Variants in FGGY observed in about 807,000 individuals in gnomAD.
The protein encoded by FGGY is FGGY carbohydrate kinase domain-containing protein.
A neutral mutation model predicts 71.3 loss-of-function variants in FGGY; 72 were observed. The ratio of observed to expected loss-of-function variants is 1.01; its 90% CI spans 0.84 to 1.23. The LOEUF is 1.23. Ranked by LOEUF, FGGY falls within the 50% of genes most tolerant of loss-of-function variation. The pLI is 0.00. For missense variants in FGGY, 668 were observed against 682.3 expected (o/e 0.98, Z 0.23); for synonymous variants, 251 against 250.3 (o/e 1.00, Z -0.02).
intron 6 of FGGY, among the ~76,000 whole-genome samples, chr1:59,511,640 C>T (rs2094521354): frequency 1.3e-5 from 2 of 150,360 alleles, no homozygotes; most frequent in African/African-American, 4.9e-5. Context: ...GGCCTGACTG[C>T]AAGAATTCAA....
intron 9 of FGGY, among the ~76,000 whole-genome samples, chr1:59,616,551 C>A (rs1323629944): frequency 6.6e-6 from 1 of 151,996 alleles, no homozygotes; most frequent in Non-Finnish European, 1.5e-5. Flanking sequence ...TTAATGGGTG[C>A]CGCACACCAA....
At chr1:59,570,677 A>T (rs2095970025) in intron 8 of FGGY, among the ~76,000 whole-genome samples, 1 of 152,186 alleles carries the variant, frequency 6.6e-6, no homozygotes, top group Admixed American at 6.5e-5. Flanking sequence ...ACGCAACAGG[A>T]AACCACAAAG....
chr1:59,339,887 T>C (rs774786200), intron 2 of FGGY, 71 bp from the exon 3 acceptor site: 2 of 847,614 alleles, frequency 2.4e-6, no homozygotes, highest in African/African-American at 3.4e-5. Flanking sequence ...TCCTTCCTTC[T>C]AGTTGTAACT....
chr1:59,510,014 G>A (rs2094480150), intron 6 of FGGY, among the ~76,000 whole-genome samples: 1 of 150,376 alleles, frequency 6.6e-6, no homozygotes, highest in African/African-American at 2.5e-5. Flanking sequence ...ATTTCTAAAC[G>A]GTGCTCCTTT....
At chr1:59,560,597 T>A (rs142671116) in intron 8 of FGGY, among the ~76,000 whole-genome samples, 193 of 152,338 alleles carry the variant, frequency 1.3e-3, no homozygotes, top group African/African-American at 4.4e-3. Flanking sequence ...AATTTATTTT[T>A]AAAATATTCA....
chr1:59,511,258 C>T (rs1355019754), intron 6 of FGGY, among the ~76,000 whole-genome samples: 3 of 152,140 alleles, frequency 2.0e-5, no homozygotes, highest in Admixed American at 2.0e-4. Context: ...CTCACCTCTA[C>T]CCCCAGAGGT....
At chr1:59,651,904 C>A (rs1249471928) in intron 11 of FGGY, among the ~76,000 whole-genome samples, 17 of 151,984 alleles carry the variant, frequency 1.1e-4, no homozygotes, top group Non-Finnish European at 2.1e-4. Flanking sequence ...TTGTTCCTTT[C>A]CATCTTTAGT....
At chr1:59,539,022 A>C (rs562696612) in intron 7 of FGGY, among the ~76,000 whole-genome samples, 36 of 152,296 alleles carry the variant, frequency 2.4e-4, no homozygotes, top group Admixed American at 3.3e-4. Context: ...AAAATGTTTA[A>C]ATAGCATGAT....
intron 11 of FGGY, 29 bp downstream of exon 11, chr1:59,638,404 G>T: frequency 1.9e-6 from 3 of 1,612,284 alleles, no homozygotes; most frequent in Non-Finnish European, 2.5e-6. Flanking sequence ...TTGCACATGG[G>T]TGAAGGCAGG....
chr1:59,668,639 C>A (rs562886347), intron 13 of FGGY, among the ~76,000 whole-genome samples: 34 of 152,228 alleles, frequency 2.2e-4, no homozygotes, highest in Non-Finnish European at 4.6e-4. Context: ...GTCACTTATT[C>A]CCAGCTTAGA....
intron 14 of FGGY, among the ~76,000 whole-genome samples, chr1:59,707,204 A>G (rs1040508149): frequency 6.6e-6 from 1 of 152,214 alleles, no homozygotes; most frequent in African/African-American, 2.4e-5. Flanking sequence ...TTTGTTGGAT[A>G]GGTACTATTA....
intron 5 of FGGY, among the ~76,000 whole-genome samples, chr1:59,379,750 A>G (rs1161543875): frequency 1.3e-5 from 2 of 152,092 alleles, no homozygotes; most frequent in African/African-American, 4.8e-5. Context: ...CAAACACATT[A>G]TACAGCTGTA....
Position 59,762,172 on chromosome 1 carries a change from C to T in FGGY, c.1575-331C>T, listed in dbSNP as rs180761832. 9.7e-3 allele frequency among the ~76,000 whole-genome samples: 1,429 copies of T among 146,876 alleles called. 31 individuals are homozygous for T. The highest frequency in any genetic ancestry group is 0.074 in the East Asian group (357 of 4,826). On this transcript the variant is annotated intron_variant, in intron 15 of 15. Coordinates refer to ENST00000303721, the MANE Select transcript of FGGY (RefSeq NM_018291.5). ...TGAACGGGGGACGGTTCACTGCAAC[C>T]TCCGCCCCCCGGGTTCAAGCAATTC...
intron 4 of FGGY, among the ~76,000 whole-genome samples, chr1:59,359,184 G>T (rs765617429): frequency 6.6e-6 from 1 of 152,046 alleles, no homozygotes; most frequent in East Asian, 1.9e-4. Flanking sequence ...TCTTAATAAT[G>T]ACTTTATTTT....
chr1:59,577,184 G>C (rs535065815), intron 8 of FGGY, among the ~76,000 whole-genome samples: 1 of 152,296 alleles, frequency 6.6e-6, no homozygotes, highest in South Asian at 2.1e-4. Flanking sequence ...AGGAATAAAT[G>C]AATGAGTCAA....
intron 14 of FGGY, among the ~76,000 whole-genome samples, chr1:59,725,337 T>C (rs1003360934): frequency 6.6e-6 from 1 of 152,216 alleles, no homozygotes; most frequent in African/African-American, 2.4e-5. Context: ...CTATTTGTCT[T>C]TTCTTTCCCC....
chr1:59,341,461 A>G (rs1475127495), intron 3 of FGGY, among the ~76,000 whole-genome samples: 1 of 152,226 alleles, frequency 6.6e-6, no homozygotes, highest in African/African-American at 2.4e-5. Flanking sequence ...ATGGATGCAA[A>G]TAGATGAATG....
At chr1:59,368,921 C>G (rs769605227) in intron 4 of FGGY, among the ~76,000 whole-genome samples, 1 of 152,070 alleles carries the variant, frequency 6.6e-6, no homozygotes, top group Non-Finnish European at 1.5e-5. Flanking sequence ...GAAGCCCTGT[C>G]TCGGGGAGGA....
intron 9 of FGGY, among the ~76,000 whole-genome samples, chr1:59,613,744 A>T (rs868611807): frequency 6.6e-6 from 1 of 152,038 alleles, no homozygotes; most frequent in African/African-American, 2.4e-5. Flanking sequence ...AATTGATAGA[A>T]CGCTAGCAAG....
Sources: gnomAD v4.1 joint callset for allele counts (sites outside exome capture counted in the v4.1 genomes callset) on GRCh38, gnomAD v4.1.1 for gene constraint, MANE v1.5 for transcripts, NCBI Gene and HGNC (gene_info 2026-07-23, HGNC 2026-07-21) for gene names.